Variants in VRK2 observed in about 807,000 individuals in gnomAD.
The protein encoded by VRK2 is VRK serine/threonine kinase 2.
Under a neutral mutation model 57.6 loss-of-function variants are expected in VRK2, and 60 were observed. The ratio of observed to expected loss-of-function variants is 1.04; its 90% CI spans 0.85 to 1.29. The LOEUF (loss-of-function observed/expected upper bound fraction) is 1.29, where lower values mean the gene tolerates loss of function less well. Among genes scored for constraint, VRK2 ranks in the 50% most tolerant of loss-of-function variants. The pLI is 0.00. For synonymous variants in VRK2, 231 were observed against 199.2 expected (o/e 1.16, Z -1.35); for missense variants, 705 against 588.1 (o/e 1.20, Z -2.06).
intron 1 of VRK2, among the ~76,000 whole-genome samples, chr2:57,933,316 T>TTTC (rs1670798067): frequency 7.6e-6 from 1 of 131,362 alleles, no homozygotes; most frequent in African/African-American, 3.1e-5. Flanking sequence ...TTTCTTTTTT[T>TTTC]TTTTTTTTTT....
In VRK2 at chr2:58,104,076, A is replaced by G. The variant is rs190667836; in HGVS notation, c.543+14353A>G. On this transcript the variant is annotated intron_variant, in intron 7 of 12. Coordinates refer to ENST00000340157, the MANE Select transcript of VRK2 (RefSeq NM_006296.7). Reference sequence around the variant, plus strand: ...CCAGACGTAGAAGGAACATACCTCAAAATAACAAAGGCCATATATGCCAAC... The same window carrying G: ...CCAGACGTAGAAGGAACATACCTCAGAATAACAAAGGCCATATATGCCAAC... Among the ~76,000 whole-genome samples, 981 of 151,874 alleles carry G rather than the reference A, an allele frequency of 6.5e-3. 8 individuals carry two copies. Among genetic ancestry groups the G allele is most frequent in the Non-Finnish European group, 7.6e-3 (518 of 67,752 alleles).
At chr2:57,999,833 A>G (rs2103621002) in intron 1 of VRK2, among the ~76,000 whole-genome samples, 1 of 152,330 alleles carries the variant, frequency 6.6e-6, no homozygotes, top group South Asian at 2.1e-4. Context: ...CTTATGACAC[A>G]TTAAATACTT....
At chr2:57,915,009 T>C (rs1391176712) in intron 1 of VRK2, among the ~76,000 whole-genome samples, 1 of 152,070 alleles carries the variant, frequency 6.6e-6, no homozygotes, top group Non-Finnish European at 1.5e-5. Context: ...ACACAAAAAA[T>C]ACAAGTTTAC....
chr2:58,138,841 A>G lies in VRK2; in HGVS notation c.857-825A>G, dbSNP rs74974654. Among the ~76,000 whole-genome samples the G allele has an allele frequency of 6.6e-5, 10 of 152,336 alleles. No homozygotes were observed. The East Asian group carries it at 1.9e-3, about 29-fold the overall frequency. The stretch of plus-strand genomic sequence containing the variant: ...CAGTTTTTAAATAGTATTTGGTATT[A>G]TCACCACTTCTATTCCAATTTTAGG... On this transcript the variant is annotated intron_variant, in intron 10 of 12. Coordinates refer to ENST00000340157, the MANE Select transcript of VRK2 (RefSeq NM_006296.7).
chr2:57,997,981 T>A lies in VRK2; in HGVS notation c.-438-27684T>A, dbSNP rs62140007. On this transcript the variant is annotated intron_variant, in intron 1 of 15. Coordinates refer to the VRK2 transcript ENST00000417641. ...TTAGTCAAACAGCTTTAATATTTGA[T>A]AACTATTATGACATAGACACATAAT... Among the ~76,000 whole-genome samples the A allele has an allele frequency of 1.4e-3, 217 of 152,284 alleles. 2 individuals are homozygous for A. Among genetic ancestry groups the A allele is most frequent in the Non-Finnish European group, 2.8e-3 (191 of 68,018 alleles).
intron 2 of VRK2, among the ~76,000 whole-genome samples, chr2:58,069,988 A>G (rs1558593205): frequency 6.6e-6 from 1 of 152,156 alleles, no homozygotes; most frequent in Non-Finnish European, 1.5e-5. Context: ...ATTTTTAATC[A>G]GGAGACTCTT....
intron 7 of VRK2, among the ~76,000 whole-genome samples, chr2:58,100,231 G>A (rs907238696): frequency 6.6e-6 from 1 of 151,900 alleles, no homozygotes; most frequent in African/African-American, 2.4e-5. Context: ...GTGTGAATGT[G>A]TTTGTAAGAA....
At chr2:57,982,911 A>C (rs946841242) in intron 1 of VRK2, among the ~76,000 whole-genome samples, 1 of 152,176 alleles carries the variant, frequency 6.6e-6, no homozygotes, top group Non-Finnish European at 1.5e-5. Context: ...AACTCTCTAG[A>C]TAGTTCTCCT....
intron 1 of VRK2, among the ~76,000 whole-genome samples, chr2:57,934,732 C>A (rs1013772526): frequency 2.6e-5 from 4 of 152,082 alleles, no homozygotes; most frequent in Non-Finnish European, 4.4e-5. Context: ...GTGTCCCATA[C>A]CTCCCATAGC....
chr2:58,116,162 A>T (rs1214430019), intron 7 of VRK2, among the ~76,000 whole-genome samples: 1 of 152,108 alleles, frequency 6.6e-6, no homozygotes, highest in Non-Finnish European at 1.5e-5. Flanking sequence ...GTGGGATGGG[A>T]TATTGGCATT....
intron 2 of VRK2, among the ~76,000 whole-genome samples, chr2:58,026,225 C>T (rs1456531724): frequency 6.6e-6 from 1 of 151,878 alleles, no homozygotes; most frequent in Admixed American, 6.6e-5. Flanking sequence ...AATTGCTGAG[C>T]TTATTGGAAT....
chr2:58,018,652 A>T (rs1673657769), intron 1 of VRK2, among the ~76,000 whole-genome samples: 1 of 152,152 alleles, frequency 6.6e-6, no homozygotes, highest in Non-Finnish European at 1.5e-5. Flanking sequence ...AAAAATAGTG[A>T]CCACTGTGGA....
At chr2:57,955,843 A>G (rs1372436089) in intron 1 of VRK2, among the ~76,000 whole-genome samples, 13 of 152,180 alleles carry the variant, frequency 8.5e-5, no homozygotes, top group Admixed American at 8.5e-4. Flanking sequence ...AATTTAGCAA[A>G]AAGTAAAAAT....
intron 1 of VRK2, among the ~76,000 whole-genome samples, chr2:58,009,740 T>C (rs1317250988): frequency 1.3e-5 from 2 of 151,898 alleles, no homozygotes; most frequent in East Asian, 3.8e-4. Context: ...AAGAGTACAA[T>C]ACAGATGCTT....
At chr2:58,146,777 T>A (rs895692182) in intron 12 of VRK2, among the ~76,000 whole-genome samples, 1 of 152,008 alleles carries the variant, frequency 6.6e-6, no homozygotes, top group African/African-American at 2.4e-5. Flanking sequence ...ATGTATTCTA[T>A]ACTTTTACAT....
intron 1 of VRK2, among the ~76,000 whole-genome samples, chr2:58,022,438 T>C (rs1388113037): frequency 6.6e-6 from 1 of 152,212 alleles, no homozygotes; most frequent in African/African-American, 2.4e-5. Context: ...ATGTTTCTAA[T>C]GTAAATTTTG....
intron 2 of VRK2, among the ~76,000 whole-genome samples, chr2:58,064,094 G>A (rs544359768): frequency 1.3e-5 from 2 of 152,220 alleles, no homozygotes; most frequent in South Asian, 2.1e-4. Flanking sequence ...AATGAACAAA[G>A]AGAGTGGTTT....
chr2:58,134,412 C>G (rs898881407), intron 9 of VRK2, among the ~76,000 whole-genome samples: 1 of 151,218 alleles, frequency 6.6e-6, no homozygotes, highest in African/African-American at 2.4e-5. Context: ...GAGATCGAGA[C>G]CATCCTGGCT....
intron 1 of VRK2, among the ~76,000 whole-genome samples, chr2:57,959,641 C>T (rs547708003): frequency 1.6e-4 from 24 of 152,256 alleles, no homozygotes; most frequent in African/African-American, 4.8e-4. Context: ...TTTCAGAAAG[C>T]GCTGCAAGTG....
Sources: gnomAD v4.1 joint callset for allele counts (sites outside exome capture counted in the v4.1 genomes callset) on GRCh38, gnomAD v4.1.1 for gene constraint, MANE v1.5 for transcripts, NCBI Gene and HGNC (gene_info 2026-07-23, HGNC 2026-07-21) for gene names.